Variants in RAD18 observed in about 807,000 individuals in gnomAD.
RAD18 encodes E3 ubiquitin-protein ligase RAD18.
RAD18 carries 47 observed loss-of-function variants against 60.4 expected under a neutral mutation model. The observed-to-expected ratio is 0.78, with a 90% CI of 0.62 to 0.99. RAD18 has a LOEUF of 0.99. Ranked by LOEUF, RAD18 falls within the 50% of genes least tolerant of loss-of-function variation. RAD18 has a pLI of 0.00. For synonymous variants in RAD18, 225 were observed against 195.5 expected (o/e 1.15, Z -1.26); for missense variants, 640 against 593.3 (o/e 1.08, Z -0.82).
chr3:8,949,224 A>C (rs1399272701), intron 2 of RAD18, among the ~76,000 whole-genome samples: 1 of 152,242 alleles, frequency 6.6e-6, no homozygotes, highest in African/African-American at 2.4e-5. Context: ...GACAAAGCAG[A>C]TGTGACTAAC....
At chr3:8,884,297 T>G (rs1240895345) in intron 12 of RAD18, among the ~76,000 whole-genome samples, 1 of 152,250 alleles carries the variant, frequency 6.6e-6, no homozygotes, top group African/African-American at 2.4e-5. Flanking sequence ...CTGCTGCTTT[T>G]GGTTAATTTT....
At chr3:8,911,498 G>A (rs539217107) in intron 9 of RAD18, among the ~76,000 whole-genome samples, 4 of 152,258 alleles carry the variant, frequency 2.6e-5, no homozygotes, top group South Asian at 4.1e-4. Context: ...TCCAGCAACA[G>A]AACAATGGTG....
At chr3:8,952,538 T>A (rs1219030968) in intron 2 of RAD18, among the ~76,000 whole-genome samples, 2 of 152,222 alleles carry the variant, frequency 1.3e-5, no homozygotes, top group Non-Finnish European at 2.9e-5. Context: ...TAATATTGAT[T>A]CAACAATGGC....
intron 7 of RAD18, among the ~76,000 whole-genome samples, chr3:8,929,025 A>G (rs2125062226): frequency 1.3e-5 from 2 of 152,330 alleles, no homozygotes; most frequent in African/African-American, 4.8e-5. Flanking sequence ...ATACACAACA[A>G]AAATTAGAAA....
chr3:8,913,074 T>G (rs1462700424), intron 8 of RAD18, among the ~76,000 whole-genome samples: 3 of 152,150 alleles, frequency 2.0e-5, no homozygotes, highest in Non-Finnish European at 2.9e-5. Flanking sequence ...CCAAAACACT[T>G]TCTCCAGTGT....
chr3:8,900,148 T>G (rs573054233), intron 10 of RAD18, among the ~76,000 whole-genome samples: 1 of 152,312 alleles, frequency 6.6e-6, no homozygotes, highest in East Asian at 1.9e-4. Context: ...CCTAAAAATA[T>G]GCTCCTAATG....
chr3:8,947,810 C>T (rs964416017), intron 3 of RAD18, among the ~76,000 whole-genome samples: 1 of 152,116 alleles, frequency 6.6e-6, no homozygotes, highest in Non-Finnish European at 1.5e-5. Context: ...TGTAACATAT[C>T]GTAAAGATCT....
At position 8,941,584 on chromosome 3, in the gene RAD18, C is replaced by T; in HGVS notation, c.487G>A (p.Ala163Thr). Residue 163 changes from alanine (A) to threonine (T), a missense_variant, in exon 5 of 13, where the codon GCG (alanine) becomes ACG (threonine). By Grantham distance (58) the Ala-to-Thr change is moderately conservative. Coordinates refer to ENST00000264926, the MANE Select transcript of RAD18 (RefSeq NM_020165.4). ...NKSKFSPQKE[A>T]SPAAKTKETR... ...TCTTTGGTCTTTGCAGCAGGGCTCGCCTCTTTTTGAGGGCTGAATTTGCTT... is the reference window on the plus strand; with the variant it reads ...TCTTTGGTCTTTGCAGCAGGGCTCGTCTCTTTTTGAGGGCTGAATTTGCTT... 1 of 1,614,136 alleles carries T rather than the reference C, an allele frequency of 6.2e-7. No individual in the cohort carries two copies. Among genetic ancestry groups the T allele is most frequent in the Non-Finnish European group, 8.5e-7 (1 of 1,180,014 alleles).
In RAD18 at chr3:8,936,044, T is replaced by C. The variant is rs1440068139; in HGVS notation, c.716A>G (p.Lys239Arg). 4 of 1,583,946 alleles carry C rather than the reference T, an allele frequency of 2.5e-6. No homozygotes were observed. The highest frequency in any genetic ancestry group is 2.7e-5 in the African/African-American group (2 of 73,092). The change falls in exon 7 of 13, where the codon AAA becomes AGA. Residue 239 changes from lysine to arginine, a missense_variant. By Grantham distance (26) the Lys-to-Arg change is conservative. Transcript: ENST00000264926. ...KKESLRSSVH[K>R]RKPLPKTVYN... ...TACAGTTTTGGGCAGCGGCTTCCTT[T>C]TGTGAACAGAACTGAAAAGGGGGGA...
At position 8,922,549 on chromosome 3, in the gene RAD18, G is replaced by A. The variant is rs536310396; in HGVS notation, c.890-8829C>T. 2.1e-3 allele frequency among the ~76,000 whole-genome samples: 326 copies of A among 152,338 alleles called. 2 individuals are homozygous for A. Among genetic ancestry groups the A allele is most frequent in the African/African-American group, 7.7e-3 (321 of 41,584 alleles). On this transcript the variant is annotated intron_variant, in intron 7 of 12. Transcript: ENST00000264926. ...TCTGCAGGCTTAAATGTCCCTGTCT[G>A]ACAGCTTGGAAGACAGCAGTGGTTC...
chr3:8,891,048 G>A (rs1001707648), intron 11 of RAD18, among the ~76,000 whole-genome samples: 4 of 142,950 alleles, frequency 2.8e-5, no homozygotes, highest in Non-Finnish European at 4.5e-5. Context: ...ACACATACAC[G>A]CACATGTATA....
chr3:8,937,955 C>G (rs917017227), intron 6 of RAD18, among the ~76,000 whole-genome samples: 3 of 152,074 alleles, frequency 2.0e-5, no homozygotes, highest in African/African-American at 7.2e-5. Flanking sequence ...AATGATGTAT[C>G]AGAAATGTAT....
intron 11 of RAD18, among the ~76,000 whole-genome samples, chr3:8,895,363 C>T (rs1024734417): frequency 1.3e-5 from 2 of 152,194 alleles, no homozygotes; most frequent in Non-Finnish European, 2.9e-5. Flanking sequence ...ACAAAGCCAT[C>T]ATTGACTTAC....
intron 12 of RAD18, among the ~76,000 whole-genome samples, chr3:8,886,395 G>T (rs183447024): frequency 4.6e-5 from 7 of 152,302 alleles, no homozygotes; most frequent in Admixed American, 1.3e-4. Context: ...GCCAATAGGG[G>T]AGTCTCTTCA....
intron 2 of RAD18, among the ~76,000 whole-genome samples, chr3:8,955,566 G>T (rs1282590889): frequency 6.6e-6 from 1 of 152,180 alleles, no homozygotes; most frequent in Non-Finnish European, 1.5e-5. Flanking sequence ...CTAAGGGAAT[G>T]GTTTCTGTCT....
At chr3:8,943,793 A>C (rs1940795036) in intron 4 of RAD18, among the ~76,000 whole-genome samples, 1 of 152,196 alleles carries the variant, frequency 6.6e-6, no homozygotes, top group South Asian at 2.1e-4. Context: ...CACAATGAAA[A>C]CTAGAAAAAT....
In RAD18 at chr3:8,946,102, T is replaced by A. The variant is rs1377419466; in HGVS notation, c.266+1118A>T. ...ATTCACTTATCACTCACTCATTGACTCATCAAGAGTAACTTTCAGTCCTGA... is the reference window on the plus strand; with the variant it reads ...ATTCACTTATCACTCACTCATTGACACATCAAGAGTAACTTTCAGTCCTGA... On this transcript the variant is annotated intron_variant, in intron 4 of 12. Coordinates refer to ENST00000264926, the MANE Select transcript of RAD18 (RefSeq NM_020165.4). 2.0e-5 allele frequency among the ~76,000 whole-genome samples: 3 copies of A among 152,212 alleles called. 1 individual carries two copies. Among genetic ancestry groups the A allele is most frequent in the Non-Finnish European group, 4.4e-5 (3 of 68,034 alleles).
At chr3:8,924,656 G>A (rs1227049970) in intron 7 of RAD18, among the ~76,000 whole-genome samples, 619 of 115,080 alleles carry the variant, frequency 5.4e-3, no homozygotes, top group African/African-American at 8.1e-3. Flanking sequence ...GACCATAGTT[G>A]GAAGTAAAGC....
rs1209912650 is a variant in RAD18, at chr3:8,958,903, G to T, written c.133+17C>A. 1 of 1,600,004 alleles carries T rather than the reference G, an allele frequency of 6.2e-7. No homozygotes were observed. Among genetic ancestry groups the T allele is most frequent in the Non-Finnish European group, 8.6e-7 (1 of 1,167,808 alleles). ...AAAATCGCAATTTACTAACTCACAG[G>T]AACAAAACATACTTACAGTTATGTG... On this transcript the variant is annotated intron_variant, in intron 2 of 12. Coordinates refer to ENST00000264926, the MANE Select transcript of RAD18 (RefSeq NM_020165.4).
Sources: allele counts gnomAD v4.1 joint callset (sites outside exome capture counted in the v4.1 genomes callset), GRCh38; gene constraint gnomAD v4.1.1; transcripts MANE v1.5; gene names NCBI Gene and HGNC (gene_info 2026-07-23, HGNC 2026-07-21).